C1orf116: variants seen among roughly 807,000 people sequenced by gnomAD.
C1orf116 encodes the protein specifically androgen-regulated gene protein.
Under a neutral mutation model 14.1 loss-of-function variants are expected in C1orf116, and 12 were observed. The ratio of observed to expected loss-of-function variants is 0.85; its 90% confidence interval spans 0.54 to 1.38. C1orf116 has a LOEUF of 1.38. C1orf116 is among the 40% of genes most tolerant of loss of function. The pLI is 0.00. For missense variants in C1orf116, 797 were observed against 747.0 expected (o/e 1.07, Z -0.78); for synonymous variants, 296 against 299.0 (o/e 0.99, Z 0.10).
At chr1:207,027,008 G>A (rs1433776663) in intron 2 of C1orf116, among the ~76,000 whole-genome samples, 2 of 152,218 alleles carry the variant, frequency 1.3e-5, no homozygotes, top group Non-Finnish European at 2.9e-5. Flanking sequence ...GGAGGCTAAA[G>A]CTTAGAGAAA....
intron 1 of C1orf116, among the ~76,000 whole-genome samples, chr1:207,031,605 C>T (rs1220040080): frequency 6.6e-6 from 1 of 152,338 alleles, no homozygotes; most frequent in Non-Finnish European, 1.5e-5. Flanking sequence ...GTTAAACCCC[C>T]CAAGATGGAT....
intron 1 of C1orf116, among the ~76,000 whole-genome samples, chr1:207,028,727 T>C (rs1204414620): frequency 6.6e-6 from 1 of 152,196 alleles, no homozygotes; most frequent in Non-Finnish European, 1.5e-5. Context: ...GTCCCAAGGA[T>C]TTTGATGTGG....
intron 1 of C1orf116, among the ~76,000 whole-genome samples, chr1:207,028,527 G>T (rs773349654): frequency 6.6e-6 from 1 of 152,212 alleles, no homozygotes; most frequent in Non-Finnish European, 1.5e-5. Context: ...TCTTTCTAGT[G>T]AATCTCTTTC....
intron 1 of C1orf116, among the ~76,000 whole-genome samples, chr1:207,032,161 G>A (rs1682266361): frequency 6.6e-6 from 1 of 152,112 alleles, no homozygotes; most frequent in Non-Finnish European, 1.5e-5. Flanking sequence ...AAAGCCACGG[G>A]AGAATTTCCT....
Position 207,022,619 on chromosome 1 carries a change from T to C in C1orf116, c.1145A>G (p.Gln382Arg). Residue 382 changes from glutamine (Q) to arginine (R), a missense_variant, in exon 4 of 4, where the codon CAG becomes CGG. By Grantham distance (43) the Gln-to-Arg change is conservative (BLOSUM62 1). Coordinates refer to ENST00000359470, the MANE Select transcript of C1orf116 (RefSeq NM_023938.6). Reference sequence around the variant, plus strand: ...CAGACCTGGAGCTGGGGACAGATGCTGGGCCCGTGTCTCCTTGGGTCTGAT... The same window carrying C: ...CAGACCTGGAGCTGGGGACAGATGCCGGGCCCGTGTCTCCTTGGGTCTGAT... The part of the protein sequence containing the change: ...SSIRPKETRA[Q>R]HLSPAPGLAQ... 1 of 1,614,160 alleles carries C rather than the reference T, an allele frequency of 6.2e-7. No homozygotes were observed. Among genetic ancestry groups the C allele is most frequent in the Non-Finnish European group, 8.5e-7 (1 of 1,180,026 alleles).
At chr1:207,024,739 C>G (rs1416551059) in intron 3 of C1orf116, 148 bp downstream of exon 3, 4 of 1,018,386 alleles carry the variant, frequency 3.9e-6, no homozygotes, top group Non-Finnish European at 5.7e-6. Flanking sequence ...AGGCTCTGTT[C>G]TAGCCAGGAG....
Position 207,025,014 on chromosome 1 carries a change from G to C in C1orf116, c.156C>G (p.Leu52=), listed in dbSNP as rs780583123. The change falls in exon 3 of 4, where the codon CTC becomes CTG. Residue 52 remains leucine, a synonymous_variant. Transcript: ENST00000359470. ...FLSTEEKECL[L]FLEETIGSLD... ...GTGAGCCAATGGTCTCCTCCAGGAA[G>C]AGCAGACACTCCTTCTCTTCAGTGG... 4 of 1,518,914 alleles carry C rather than the reference G, an allele frequency of 2.6e-6. No individual in the cohort carries two copies. Among genetic ancestry groups the C allele is most frequent in the African/African-American group, 1.4e-5 (1 of 71,140 alleles). The allele number at this position is 1,518,914 out of a possible 1,614,324, so 94.1% of individuals were successfully genotyped here.
In C1orf116 at chr1:207,023,221, C is replaced by T. The variant is rs1481896394; in HGVS notation, c.543G>A (p.Gln181=). ...EQVSQSSQPR[Q]APASPQEAAL... is the part of the protein sequence containing the mutation. ...CAGCCTCCTGGGGGCTGGCAGGTGC[C>T]TGCCTGGGTTGGCTGCTCTGGCTGA... Residue 181 remains glutamine (Q), a synonymous_variant, in exon 4 of 4, where the codon CAG becomes CAA. Coordinates refer to ENST00000359470, the MANE Select transcript of C1orf116 (RefSeq NM_023938.6). The T allele has an allele frequency of 3.1e-6, 5 of 1,610,460 alleles. No individual in the cohort carries two copies. Among genetic ancestry groups the T allele is most frequent in the Non-Finnish European group, 4.2e-6 (5 of 1,178,096 alleles).
rs547066441 is a variant in C1orf116 at position 207,021,640 on chromosome 1, T to A, written c.*318A>T. 11 of 208,846 alleles carry A rather than the reference T, an allele frequency of 5.3e-5. No homozygotes were observed. In the East Asian group the frequency reaches 1.1e-3, roughly 20 times the overall value. The allele number at this position is 208,846 out of a possible 1,614,324, so 12.9% of individuals were successfully genotyped here. A position where few individuals can be genotyped will look rare whatever the true frequency, so the allele number is the denominator to read the frequency against. On this transcript the variant is annotated 3_prime_UTR_variant, in exon 4 of 4. Coordinates refer to ENST00000359470, the MANE Select transcript of C1orf116 (RefSeq NM_023938.6). ...TCTCACTAGGCTGGACTCTACCCAA[T>A]GTAAGAAAACATCTAACAAGAGCAA...
At position 207,021,640 on chromosome 1, in the gene C1orf116, T is replaced by C. The variant is rs547066441; in HGVS notation, c.*318A>G. 4.8e-6 allele frequency: 1 copy of C among 208,728 alleles called. No homozygotes were observed. Among genetic ancestry groups the C allele is most frequent in the Non-Finnish European group, 9.6e-6 (1 of 104,666 alleles). 12.9% of individuals were successfully genotyped at this position (208,728 alleles called of 1,614,324 possible). ...TCTCACTAGGCTGGACTCTACCCAA[T>C]GTAAGAAAACATCTAACAAGAGCAA... is the stretch of plus-strand genomic sequence containing the variant. On this transcript the variant is annotated 3_prime_UTR_variant, in exon 4 of 4. Transcript: ENST00000359470.
At chr1:207,031,976 A>G (rs922241271) in intron 1 of C1orf116, among the ~76,000 whole-genome samples, 1 of 152,208 alleles carries the variant, frequency 6.6e-6, no homozygotes, top group Non-Finnish European at 1.5e-5. Context: ...TCCAAAGATG[A>G]GCTGGTAGCT....
chr1:207,023,027 G>T lies in C1orf116; in HGVS notation c.737C>A (p.Ala246Asp), dbSNP rs764577939. Reference sequence around the variant, plus strand: ...TGTTTCCTTGGCTTTTTGGGACATGGCTTCTGAAGGAGTCTGCTCTCTTTC... The same window carrying T: ...TGTTTCCTTGGCTTTTTGGGACATGTCTTCTGAAGGAGTCTGCTCTCTTTC... Reference protein sequence around the residue: ...SQEREQTPSEAMSQKAKETVS... With the variant: ...SQEREQTPSEDMSQKAKETVS... The change falls in exon 4 of 4, where the codon GCC becomes GAC. Residue 246 changes from alanine (A) to aspartate (D), a missense_variant. Coordinates refer to ENST00000359470, the MANE Select transcript of C1orf116 (RefSeq NM_023938.6). 5 of 1,613,596 alleles carry T rather than the reference G, an allele frequency of 3.1e-6. 1 individual carries two copies. The South Asian group carries it at 5.5e-5, about 18-fold the overall frequency.
In C1orf116 at chr1:207,022,981, T is replaced by C; in HGVS notation, c.783A>G (p.Gln261=). 5 of 1,613,952 alleles carry C rather than the reference T, an allele frequency of 3.1e-6. No individual in the cohort carries two copies. The highest frequency in any genetic ancestry group is 4.2e-6 in the Non-Finnish European group (5 of 1,179,994). ...AKETVSTRYT[Q]PQPPPAGLPQ... ...GCAACCCTGCAGGAGGAGGCTGGGGTTGTGTGTACCTGGTTGAGACTGTTT... is the reference window on the plus strand; with the variant it reads ...GCAACCCTGCAGGAGGAGGCTGGGGCTGTGTGTACCTGGTTGAGACTGTTT... The change falls in exon 4 of 4, where the codon CAA becomes CAG. Residue 261 remains glutamine, a synonymous_variant. Coordinates refer to ENST00000359470, the MANE Select transcript of C1orf116 (RefSeq NM_023938.6).
At position 207,023,096 on chromosome 1, in the gene C1orf116, T is replaced by C. The variant is rs1199333110; in HGVS notation, c.668A>G (p.Gln223Arg). The change falls in exon 4 of 4, where the codon CAG (glutamine) becomes CGG (arginine). Residue 223 changes from glutamine to arginine, a missense_variant. Physicochemically the swap from Gln to Arg is conservative, Grantham distance 43 (BLOSUM62 1). Coordinates refer to ENST00000359470, the MANE Select transcript of C1orf116 (RefSeq NM_023938.6). ...REASLPEGPG[Q>R]QGHTPQLHTP... is the part of the protein sequence containing the mutation. ...GTGGAGCTGGGGTGTGTGGCCCTGC[T>C]GTCCTGGCCCCTCGGGCAGGCTGGC... 6.2e-7 allele frequency: 1 copy of C among 1,612,652 alleles called. No individual in the cohort carries two copies. The highest frequency in any genetic ancestry group is 8.5e-7 in the Non-Finnish European group (1 of 1,179,948).
Position 207,027,675 on chromosome 1 carries a change from C to T in C1orf116, c.-77G>A, listed in dbSNP as rs1015108531. On this transcript the variant is annotated 5_prime_UTR_variant, in exon 2 of 4. Transcript: ENST00000359470. ...AGGGGAAGTGAACAATGTCCCAAGC[C>T]GGGCCTGAAAAGAGAAGAATCAAAG... The T allele has an allele frequency of 1.2e-5, 19 of 1,573,870 alleles. No homozygotes were observed. Among genetic ancestry groups the T allele is most frequent in the East Asian group, 2.3e-5 (1 of 44,064 alleles).
intron 1 of C1orf116, among the ~76,000 whole-genome samples, chr1:207,030,682 C>T (rs1421731353): frequency 6.6e-6 from 1 of 152,154 alleles, no homozygotes; most frequent in African/African-American, 2.4e-5. Context: ...ACTTCACAAC[C>T]TTGAACCTTG....
Position 207,023,497 on chromosome 1 carries a change from G to A in C1orf116, c.284-17C>T. ...CTGGACCTCCTGTGAGGGTCAGAAA[G>A]AACATAAAAGAGTGGACAGAAAAAG... On this transcript the variant is annotated splice_polypyrimidine_tract_variant and intron_variant, in intron 3 of 3. Transcript: ENST00000359470. The A allele has an allele frequency of 6.3e-7, 1 of 1,576,626 alleles. No homozygotes were observed.
Position 207,022,966 on chromosome 1 carries a change from A to G in C1orf116, c.798T>C (p.Pro266=). 1 of 1,614,130 alleles carries G rather than the reference A, an allele frequency of 6.2e-7. No individual in the cohort carries two copies. Among genetic ancestry groups the G allele is most frequent in the Non-Finnish European group, 8.5e-7 (1 of 1,180,014 alleles). Residue 266 remains proline (P), a synonymous_variant, in exon 4 of 4, where the codon CCT becomes CCC. Transcript: ENST00000359470. ...STRYTQPQPP[P]AGLPQNARAE... is the part of the protein sequence containing the mutation. ...CTCTTGCATTCTGAGGCAACCCTGC[A>G]GGAGGAGGCTGGGGTTGTGTGTACC...
Position 207,023,156 on chromosome 1 carries a change from G to A in C1orf116, c.608C>T (p.Ala203Val). ...CTGCTCTGGCTGGGTGTCCCGGAAAGCTTCTGGCGGAGGGATGAGCACCAC... is the reference window on the plus strand; with the variant it reads ...CTGCTCTGGCTGGGTGTCCCGGAAAACTTCTGGCGGAGGGATGAGCACCAC... The part of the protein sequence containing the change: ...LDVVLIPPPE[A>V]FRDTQPEQCR... The change falls in exon 4 of 4, where the codon GCT (alanine) becomes GTT (valine). Residue 203 changes from alanine (A) to valine (V), a missense_variant. Coordinates refer to ENST00000359470, the MANE Select transcript of C1orf116 (RefSeq NM_023938.6). 1 of 1,611,450 alleles carries A rather than the reference G, an allele frequency of 6.2e-7. No individual in the cohort carries two copies. The highest frequency in any genetic ancestry group is 8.5e-7 in the Non-Finnish European group (1 of 1,178,702).
Sources: gnomAD v4.1 joint callset for allele counts (sites outside exome capture counted in the v4.1 genomes callset) on GRCh38, gnomAD v4.1.1 for gene constraint, MANE v1.5 for transcripts, NCBI Gene and HGNC (gene_info 2026-07-23, HGNC 2026-07-21) for gene names.